ADNP: variants seen among roughly 807,000 people sequenced by gnomAD.
The protein encoded by ADNP is activity dependent neuroprotector homeobox, also known as activity-dependent neuroprotector homeobox protein.
In ADNP, 4 loss-of-function variants were observed where a neutral mutation model predicts 84.9. The ratio of observed to expected loss-of-function variants is 0.05; its 90% CI spans 0.02 to 0.11. The LOEUF is 0.11. Ranked by LOEUF, ADNP falls within the 10% of genes least tolerant of loss-of-function variation. The pLI is 1.00. For missense variants in ADNP, 1,132 were observed against 1,326.0 expected, an observed-to-expected ratio of 0.85 and a Z score of 2.27; for synonymous variants, 554 against 468.1, an observed-to-expected ratio of 1.18 and a Z score of -2.37.
At chr20:50,901,169 GA>G (rs1263178356) in intron 5 of ADNP, among the ~76,000 whole-genome samples, 1 of 152,030 alleles carries the variant, frequency 6.6e-6, no homozygotes, top group Non-Finnish European at 1.5e-5. Flanking sequence ...GAACCATGAT[GA>G]AATACTCTGC....
In ADNP at chr20:50,928,739, C is replaced by T. The variant is rs1241394909; in HGVS notation, c.-178G>A. 1.3e-5 allele frequency: 2 copies of T among 152,188 alleles called. No homozygotes were observed. The highest frequency in any genetic ancestry group is 4.8e-5 in the African/African-American group (2 of 41,434). 9.4% of individuals were successfully genotyped at this position (152,188 alleles called of 1,614,324 possible). ...GGTAGTACAGGGCATAACCACTAGG[C>T]CACCTATCAGTTCAGTACAAAAAGT... is the stretch of plus-strand genomic sequence containing the variant. On this transcript the variant is annotated 5_prime_UTR_variant, in exon 2 of 6. Transcript: ENST00000621696.
Position 50,893,477 on chromosome 20 carries a change from A to G in ADNP, c.1237T>C (p.Ser413Pro), listed in dbSNP as rs1568708704. 6.2e-7 allele frequency: 1 copy of G among 1,613,966 alleles called. No homozygotes were observed. The highest frequency in any genetic ancestry group is 1.7e-5 in the Admixed American group (1 of 60,016). Reference sequence around the variant, plus strand: ...AACACTCTGGATGCCTGTGACTGAGAGAGGGAAGGAGACTTTAACTGGCCC... The same window carrying G: ...AACACTCTGGATGCCTGTGACTGAGGGAGGGAAGGAGACTTTAACTGGCCC... The part of the protein sequence containing the change: ...SSGQLKSPSL[S>P]QSQASRVLGQ... Residue 413 changes from serine to proline, a missense_variant, in exon 6 of 6, where the codon TCT becomes CCT. This residue lies in a region of ADNP where 239 missense variants were observed against 213.2 expected (regional missense o/e 1.12). Coordinates refer to ENST00000621696, the MANE Select transcript of ADNP (RefSeq NM_001282531.3). This position sits in a 1 kb window ranked among gnomAD's most constrained non-coding sequence, Gnocchi z 4.4.
At position 50,890,028 on chromosome 20, in the gene ADNP, GTTTACAT is replaced by G; in HGVS notation, c.*1370_*1376del. 1 of 293,928 alleles carries G rather than the reference GTTTACAT, an allele frequency of 3.4e-6. No homozygotes were observed. Among genetic ancestry groups the G allele is most frequent in the Non-Finnish European group, 5.7e-6 (1 of 175,922 alleles). 18.2% of individuals were successfully genotyped at this position (293,928 alleles called of 1,614,324 possible). A position where few individuals can be genotyped will look rare whatever the true frequency, so the allele number is the denominator to read the frequency against. On this transcript the variant is annotated 3_prime_UTR_variant, in exon 6 of 6. Coordinates refer to ENST00000621696, the MANE Select transcript of ADNP (RefSeq NM_001282531.3). ...TGCTTGCAAATTAATGCCAATCCATGTTTACATTTTTTTTTTTATCATTGAGACATTT... is the reference window on the plus strand; with the variant it reads ...TGCTTGCAAATTAATGCCAATCCATGTTTTTTTTTTATCATTGAGACATTT...
chr20:50,897,747 T>C (rs551141034), intron 5 of ADNP, among the ~76,000 whole-genome samples: 5 of 152,186 alleles, frequency 3.3e-5, no homozygotes, highest in Non-Finnish European at 7.3e-5. Context: ...GAGGTGGTGT[T>C]TGATACTGGG....
chr20:50,894,582 C>T, intron 5 of ADNP, 70 bp from the exon 6 acceptor site: 1 of 1,478,832 alleles, frequency 6.8e-7, no homozygotes, highest in Non-Finnish European at 9.1e-7. Context: ...CCAGATCCCC[C>T]CCGGATATTC....
Position 50,902,098 on chromosome 20 carries a change from T to C in ADNP, c.120A>G (p.Gln40=), listed in dbSNP as rs1291918664. 6.2e-7 allele frequency: 1 copy of C among 1,610,106 alleles called. No individual in the cohort carries two copies. Among genetic ancestry groups the C allele is most frequent in the East Asian group, 2.2e-5 (1 of 44,866 alleles). Residue 40 remains glutamine, a synonymous_variant, in exon 5 of 6, where the codon CAA becomes CAG. Coordinates refer to ENST00000621696, the MANE Select transcript of ADNP (RefSeq NM_001282531.3). Reference sequence around the variant, plus strand: ...TCAAATAAAAGTCATTAGGTTCAAATTGTTTAAAATCCTAGAAAACAGTGA... The same window carrying C: ...TCAAATAAAAGTCATTAGGTTCAAACTGTTTAAAATCCTAGAAAACAGTGA... ...YCKEHIEDFK[Q]FEPNDFYLKN... is the part of the protein sequence containing the mutation.
intron 2 of ADNP, among the ~76,000 whole-genome samples, chr20:50,915,271 CCTATTT>C (rs1983423851): frequency 2.6e-5 from 4 of 152,118 alleles, no homozygotes. Context: ...ACGGTAAAAC[CCTATTT>C]CTTCTTATAG....
At chr20:50,929,143 G>A (rs1261305097) in intron 1 of ADNP, among the ~76,000 whole-genome samples, 1 of 152,200 alleles carries the variant, frequency 6.6e-6, no homozygotes, top group African/African-American at 2.4e-5. Flanking sequence ...GGCCTATGAA[G>A]AAGGGAGTTA....
rs587777524 is a variant in ADNP, at chr20:50,893,503, G to C, written c.1211C>G (p.Ser404Trp). 7 of 1,613,610 alleles carry C rather than the reference G, an allele frequency of 4.3e-6. No individual in the cohort carries two copies. Among genetic ancestry groups the C allele is most frequent in the Non-Finnish European group, 3.4e-6 (4 of 1,180,032 alleles). ...GAGGGAAGGAGACTTTAACTGGCCC[G>C]ATGAGAGAGAAGAGGCATTAGCAGA... is the stretch of plus-strand genomic sequence containing the variant. ...LQSANASSLSSGQLKSPSLSQ... is the reference protein window; with the variant it reads ...LQSANASSLSWGQLKSPSLSQ... Residue 404 changes from serine to tryptophan, a missense_variant, in exon 6 of 6, where the codon TCG (serine) becomes TGG (tryptophan). This residue lies in a region of ADNP where 239 missense variants were observed against 213.2 expected (regional missense o/e 1.12). Transcript: ENST00000621696. This position sits in a 1 kb window ranked among gnomAD's most constrained non-coding sequence, Gnocchi z 4.4.
chr20:50,908,902 C>CT lies in ADNP; in HGVS notation c.-89-4054dup, dbSNP rs1182000291. Among the ~76,000 whole-genome samples the CT allele has an allele frequency of 3.3e-5, 5 of 152,130 alleles. No individual in the cohort carries two copies. In the South Asian group the frequency reaches 1.0e-3, roughly 32 times the overall value. The stretch of plus-strand genomic sequence containing the variant: ...TTGTCTCTGCCTGAAATTCAAGGCC[C>CT]TTTCCTCACTTTCGAATGCAAAGAG... On this transcript the variant is annotated intron_variant, in intron 2 of 5. Transcript: ENST00000621696.
intron 2 of ADNP, among the ~76,000 whole-genome samples, chr20:50,905,831 T>G (rs919080736): frequency 2.6e-5 from 4 of 152,364 alleles, no homozygotes; most frequent in Middle Eastern, 3.4e-3. Flanking sequence ...CAATTATTTT[T>G]TGTCCAAATT....
chr20:50,903,033 T>C (rs1462401250), intron 4 of ADNP, among the ~76,000 whole-genome samples: 1 of 152,220 alleles, frequency 6.6e-6, no homozygotes, highest in East Asian at 1.9e-4. Flanking sequence ...TATGAATGAA[T>C]TTGCTTTTTT....
chr20:50,898,951 C>T (rs1252620270), intron 5 of ADNP, among the ~76,000 whole-genome samples: 2 of 152,200 alleles, frequency 1.3e-5, no homozygotes, highest in Non-Finnish European at 2.9e-5. Flanking sequence ...GCATATGGGA[C>T]TATGTTCCCC....
chr20:50,927,709 TGA>T (rs1308033878), intron 2 of ADNP, among the ~76,000 whole-genome samples: 2 of 152,224 alleles, frequency 1.3e-5, no homozygotes, highest in East Asian at 3.8e-4. Flanking sequence ...CCTTATTTTT[TGA>T]GTGTTAAAAC....
In ADNP at chr20:50,931,227, A is replaced by AGGGGGC. The variant is rs1555818559; in HGVS notation, c.-672_-667dup. On this transcript the variant is annotated 5_prime_UTR_variant, in exon 1 of 6. Coordinates refer to ENST00000621696, the MANE Select transcript of ADNP (RefSeq NM_001282531.3). ...CCTTAGCGCTGCCTGCGGGAGGGGGAGGGGGCACAAGATGGCGGCGGCCGG... is the reference window on the plus strand; with the variant it reads ...CCTTAGCGCTGCCTGCGGGAGGGGGAGGGGGCGGGGGCACAAGATGGCGGCGGCCGG... 1 of 79,836 alleles carries AGGGGGC rather than the reference A, an allele frequency of 1.3e-5. No homozygotes were observed. The highest frequency in any genetic ancestry group is 4.7e-5 in the African/African-American group (1 of 21,448). The allele number at this position is 79,836 out of a possible 1,614,324, so 4.9% of individuals were successfully genotyped here.
chr20:50,893,410 G>C lies in ADNP; in HGVS notation c.1304C>G (p.Pro435Arg). Residue 435 changes from proline to arginine, a missense_variant, in exon 6 of 6, where the codon CCT becomes CGT. By Grantham distance (103) the Pro-to-Arg change is moderately radical. Around this residue, in one of 10 missense-constraint regions of ADNP, gnomAD observed 239 missense variants for 213.2 expected, o/e 1.12. Transcript: ENST00000621696. The surrounding 1 kb of genome is among the most constrained non-coding windows in gnomAD (Gnocchi z 4.4). ...SSKPAAAATGPPPGNTSSTQK... is the reference protein window; with the variant it reads ...SSKPAAAATGRPPGNTSSTQK... Reference sequence around the variant, plus strand: ...AGTTGAGGAAGTGTTACCTGGGGGAGGGCCTGTGGCAGCTGCAGCAGGTTT... The same window carrying C: ...AGTTGAGGAAGTGTTACCTGGGGGACGGCCTGTGGCAGCTGCAGCAGGTTT... The C allele has an allele frequency of 1.9e-6, 3 of 1,614,180 alleles. No individual in the cohort carries two copies. The highest frequency in any genetic ancestry group is 2.5e-6 in the Non-Finnish European group (3 of 1,180,038).
intron 2 of ADNP, among the ~76,000 whole-genome samples, chr20:50,912,861 AAC>A (rs749797619): frequency 2.6e-5 from 4 of 150,950 alleles, no homozygotes; most frequent in African/African-American, 4.9e-5. Context: ...TGTAAAGAAA[AAC>A]ACAGTCTCTC....
chr20:50,894,842 G>A (rs1395979486), intron 5 of ADNP, among the ~76,000 whole-genome samples: 1 of 152,108 alleles, frequency 6.6e-6, no homozygotes, highest in Non-Finnish European at 1.5e-5. Context: ...AGGTTGCAAC[G>A]AGCCGAGATC....
At chr20:50,895,443 C>G (rs1042312075) in intron 5 of ADNP, among the ~76,000 whole-genome samples, 2 of 152,104 alleles carry the variant, frequency 1.3e-5, no homozygotes, top group African/African-American at 4.8e-5. Flanking sequence ...ATACCATGAA[C>G]AAAGCTTACA....
Sources: allele counts gnomAD v4.1 joint callset (sites outside exome capture counted in the v4.1 genomes callset), GRCh38; gene constraint gnomAD v4.1.1; regional missense constraint gnomAD v4.1.1; non-coding constraint Gnocchi (gnomAD v3.1); transcripts MANE v1.5; gene names NCBI Gene and HGNC (gene_info 2026-07-23, HGNC 2026-07-21).